The following FZD9 variants were observed in gnomAD, a reference collection of about 807,000 sequenced individuals.
FZD9 encodes the protein frizzled-9.
In FZD9, 29 loss-of-function variants were observed where a neutral mutation model predicts 29.9. The observed-to-expected ratio is 0.97, with a 90% CI of 0.72 to 1.32. FZD9 has a LOEUF of 1.32. Among genes scored for constraint, FZD9 ranks in the 40% most tolerant of loss-of-function variants. The probability of loss-of-function intolerance (pLI) is 0.00; values close to 1 mark genes in which losing one functional copy is unlikely to be tolerated. For missense variants in FZD9, 822 were observed against 857.8 expected, an observed-to-expected ratio of 0.96 and a Z score of 0.52; for synonymous variants, 384 against 393.9, an observed-to-expected ratio of 0.97 and a Z score of 0.30.
chr7:73,434,123 G>A lies in FZD9; in HGVS notation c.116G>A (p.Cys39Tyr). Residue 39 changes from cysteine (C) to tyrosine (Y), a missense_variant, in exon 1 of 1, where the codon TGC becomes TAC. Physicochemically the swap from Cys to Tyr is radical, Grantham distance 194. Transcript: ENST00000344575. ...DPERGRGAAP[C>Y]QAVEIPMCRG... The stretch of plus-strand genomic sequence containing the variant: ...GAGCGCGGGCGCGGGGCTGCGCCGT[G>A]CCAGGCGGTGGAGATCCCCATGTGC... 2 of 1,517,608 alleles carry A rather than the reference G, an allele frequency of 1.3e-6. No individual in the cohort carries two copies. The highest frequency in any genetic ancestry group is 8.8e-7 in the Non-Finnish European group (1 of 1,141,564). 94.0% of individuals were successfully genotyped at this position (1,517,608 alleles called of 1,614,324 possible). A position where few individuals can be genotyped will look rare whatever the true frequency, so the allele number is the denominator to read the frequency against.
In FZD9 at chr7:73,435,845, G is replaced by A; in HGVS notation, c.*62G>A. The A allele has an allele frequency of 6.6e-7, 1 of 1,520,008 alleles. No individual in the cohort carries two copies. Among genetic ancestry groups the A allele is most frequent in the Non-Finnish European group, 8.8e-7 (1 of 1,133,078 alleles). 94.2% of individuals were successfully genotyped at this position (1,520,008 alleles called of 1,614,324 possible). ...CCTTGCCCTCCACGCCCTGCCCCCT[G>A]CATCCCCTAGAGACAGCTGACTAGC... is the stretch of plus-strand genomic sequence containing the variant. On this transcript the variant is annotated 3_prime_UTR_variant, in exon 1 of 1. Coordinates refer to ENST00000344575, the MANE Select transcript of FZD9 (RefSeq NM_003508.3).
At position 73,434,562 on chromosome 7, in the gene FZD9, C is replaced by T. The variant is rs1554563338; in HGVS notation, c.555C>T (p.Asp185=). The stretch of plus-strand genomic sequence containing the variant: ...CGCGGCCCGCGCGCCCTCCCGGAGA[C>T]CTGGGCCCGGGCGCGGGCGGCAGTG... The part of the protein sequence containing the change: ...VAPRPARPPG[D]LGPGAGGSGT... The change falls in exon 1 of 1, where the codon GAC becomes GAT. Residue 185 remains aspartate (D), a synonymous_variant. Coordinates refer to ENST00000344575, the MANE Select transcript of FZD9 (RefSeq NM_003508.3). 2.0e-6 allele frequency: 3 copies of T among 1,468,450 alleles called. No individual in the cohort carries two copies. Among genetic ancestry groups the T allele is most frequent in the Non-Finnish European group, 1.8e-6 (2 of 1,117,064 alleles). The allele number at this position is 1,468,450 out of a possible 1,614,324, so 91.0% of individuals were successfully genotyped here. A position where few individuals can be genotyped will look rare whatever the true frequency, so the allele number is the denominator to read the frequency against.
chr7:73,435,615 C>G lies in FZD9; in HGVS notation c.1608C>G (p.Thr536=), dbSNP rs1554563648. 6.2e-7 allele frequency: 1 copy of G among 1,613,142 alleles called. No homozygotes were observed. The highest frequency in any genetic ancestry group is 8.5e-7 in the Non-Finnish European group (1 of 1,179,866). ...VWVWSSKTFQ[T]WQSLCYRKIA... is the part of the protein sequence containing the mutation. ...TGTGGAGCTCCAAGACTTTCCAGAC[C>G]TGGCAGAGCCTGTGCTACCGCAAGA... Residue 536 remains threonine, a synonymous_variant, in exon 1 of 1, where the codon ACC becomes ACG. Transcript: ENST00000344575.
rs1787371414 is a variant in FZD9, at chr7:73,434,692, G to T, written c.685G>T (p.Asp229Tyr). 2.5e-6 allele frequency: 4 copies of T among 1,605,164 alleles called. No individual in the cohort carries two copies. Among genetic ancestry groups the T allele is most frequent in the African/African-American group, 2.7e-5 (2 of 75,062 alleles). Residue 229 changes from aspartate to tyrosine, a missense_variant, in exon 1 of 1, where the codon GAC becomes TAC. Coordinates refer to ENST00000344575, the MANE Select transcript of FZD9 (RefSeq NM_003508.3). Reference protein sequence around the residue: ...VEVFWSRRDKDFALVWMAVWS... With the variant: ...VEVFWSRRDKYFALVWMAVWS... ...GGTGTTCTGGTCCCGGCGCGACAAG[G>T]ACTTCGCGCTGGTCTGGATGGCCGT...
chr7:73,434,926 G>A lies in FZD9; in HGVS notation c.919G>A (p.Gly307Ser). The A allele has an allele frequency of 1.2e-6, 2 of 1,613,828 alleles. No homozygotes were observed. Among genetic ancestry groups the A allele is most frequent in the Non-Finnish European group, 1.7e-6 (2 of 1,179,894 alleles). The change falls in exon 1 of 1, where the codon GGC becomes AGC. Residue 307 changes from glycine (G) to serine (S), a missense_variant. By Grantham distance (56) the Gly-to-Ser change is moderately conservative. Transcript: ENST00000344575. ...GGGCGCGCTCTACGTGATCCAGGAG[G>A]GCCTGGAGAACACGGGCTGCACGCT... ...EAGALYVIQE[G>S]LENTGCTLVF...
At position 73,435,471 on chromosome 7, in the gene FZD9, C is replaced by T. The variant is rs1554563603; in HGVS notation, c.1464C>T (p.Ala488=). The stretch of plus-strand genomic sequence containing the variant: ...CCACAGAGCAGCCATGCGCAGCGGC[C>T]GCGGGGCCCGGAGGCCGGAGGGACT... ...LRATEQPCAA[A]AGPGGRRDCS... Residue 488 remains alanine, a synonymous_variant, in exon 1 of 1, where the codon GCC becomes GCT. Coordinates refer to ENST00000344575, the MANE Select transcript of FZD9 (RefSeq NM_003508.3). 9.3e-6 allele frequency: 15 copies of T among 1,612,774 alleles called. No homozygotes were observed. Among genetic ancestry groups the T allele is most frequent in the African/African-American group, 1.3e-5 (1 of 74,940 alleles).
In FZD9 at chr7:73,434,497, G is replaced by GC. The variant is rs1787364164; in HGVS notation, c.491dup (p.Glu165GlyfsTer131). ...GCCCGAGAACGCCACGGCCGGCCCC[G>GC]CGGAGCCCCACAAGGGCCTGGGCAT... On this transcript the variant is annotated frameshift_variant, in exon 1 of 1. Transcript: ENST00000344575. LOFTEE classifies it high-confidence loss of function. The GC allele has an allele frequency of 6.8e-7, 1 of 1,472,896 alleles. No homozygotes were observed. The highest frequency in any genetic ancestry group is 8.9e-7 in the Non-Finnish European group (1 of 1,119,032). The allele number at this position is 1,472,896 out of a possible 1,614,324, so 91.2% of individuals were successfully genotyped here.
chr7:73,436,074 G>T lies in FZD9; in HGVS notation c.*291G>T. ...AGTTTATTTAATGATGTAATTTATTGTTGCGTTCCTCTGGAAGCTGTGACT... is the reference window on the plus strand; with the variant it reads ...AGTTTATTTAATGATGTAATTTATTTTTGCGTTCCTCTGGAAGCTGTGACT... On this transcript the variant is annotated 3_prime_UTR_variant, in exon 1 of 1. Coordinates refer to ENST00000344575, the MANE Select transcript of FZD9 (RefSeq NM_003508.3). The T allele has an allele frequency of 1.1e-5, 4 of 353,524 alleles. No homozygotes were observed. The highest frequency in any genetic ancestry group is 2.1e-5 in the Non-Finnish European group (4 of 187,058). 21.9% of individuals were successfully genotyped at this position (353,524 alleles called of 1,614,324 possible).
In FZD9 at chr7:73,434,994, C is replaced by G; in HGVS notation, c.987C>G (p.Leu329=). 1.2e-6 allele frequency: 2 copies of G among 1,614,088 alleles called. No homozygotes were observed. The highest frequency in any genetic ancestry group is 1.7e-6 in the Non-Finnish European group (2 of 1,180,032). ...LLYYFGMASS[L]WWVVLTLTWF... ...ACTACTTCGGCATGGCCAGCTCGCT[C>G]TGGTGGGTGGTCCTGACGCTCACCT... Residue 329 remains leucine, a synonymous_variant, in exon 1 of 1, where the codon CTC becomes CTG. Coordinates refer to ENST00000344575, the MANE Select transcript of FZD9 (RefSeq NM_003508.3).
chr7:73,435,362 C>G lies in FZD9; in HGVS notation c.1355C>G (p.Ser452Cys). The G allele has an allele frequency of 6.2e-7, 1 of 1,613,902 alleles. No homozygotes were observed. Among genetic ancestry groups the G allele is most frequent in the Non-Finnish European group, 8.5e-7 (1 of 1,179,934 alleles). The change falls in exon 1 of 1, where the codon TCC (serine) becomes TGC (cysteine). Residue 452 changes from serine (S) to cysteine (C), a missense_variant. Ser to Cys is a moderately radical substitution (Grantham distance 112). Coordinates refer to ENST00000344575, the MANE Select transcript of FZD9 (RefSeq NM_003508.3). ...EKLMVKIGVF[S>C]ILYTVPATCV... is the part of the protein sequence containing the mutation. ...CTCATGGTCAAGATCGGGGTCTTCT[C>G]CATCCTCTACACGGTGCCCGCCACC...
Position 73,435,927 on chromosome 7 carries a change from G to C in FZD9, c.*144G>C. ...GCACCGGGGACTGAGGATCAGGGCG[G>C]GACCCCGTGAGGCTCATTAGGGGAG... is the stretch of plus-strand genomic sequence containing the variant. On this transcript the variant is annotated 3_prime_UTR_variant, in exon 1 of 1. Transcript: ENST00000344575. 2.6e-6 allele frequency: 3 copies of C among 1,162,172 alleles called. No homozygotes were observed. The highest frequency in any genetic ancestry group is 2.4e-6 in the Non-Finnish European group (2 of 819,054). 72.0% of individuals were successfully genotyped at this position (1,162,172 alleles called of 1,614,324 possible).
In FZD9 at chr7:73,435,264, C is replaced by T. The variant is rs782534847; in HGVS notation, c.1257C>T (p.Thr419=). Residue 419 remains threonine, a synonymous_variant, in exon 1 of 1, where the codon ACC becomes ACT. Coordinates refer to ENST00000344575, the MANE Select transcript of FZD9 (RefSeq NM_003508.3). ...TGCTGGGCAGTAGTTTCCTCCTGAC[C>T]GGCTTCGTGGCCCTCTTCCACATCC... The part of the protein sequence containing the change: ...YLVLGSSFLL[T]GFVALFHIRK... The T allele has an allele frequency of 6.2e-6, 10 of 1,613,628 alleles. No homozygotes were observed. The East Asian group carries it at 8.9e-5, about 14-fold the overall frequency.
chr7:73,435,443 G>C lies in FZD9; in HGVS notation c.1436G>C (p.Arg479Pro), dbSNP rs1390816222. 2.5e-6 allele frequency: 4 copies of C among 1,613,392 alleles called. No homozygotes were observed. Among genetic ancestry groups the C allele is most frequent in the Non-Finnish European group, 2.5e-6 (3 of 1,180,002 alleles). The part of the protein sequence containing the change: ...ERLNMDFWRL[R>P]ATEQPCAAAA... ...CTCAACATGGACTTCTGGCGCCTTC[G>C]GGCCACAGAGCAGCCATGCGCAGCG... Residue 479 changes from arginine to proline, a missense_variant, in exon 1 of 1, where the codon CGG (arginine) becomes CCG (proline). Physicochemically the swap from Arg to Pro is moderately radical, Grantham distance 103. Coordinates refer to ENST00000344575, the MANE Select transcript of FZD9 (RefSeq NM_003508.3).
In FZD9 at chr7:73,435,662, C is replaced by A; in HGVS notation, c.1655C>A (p.Ala552Asp). 2 of 1,613,100 alleles carry A rather than the reference C, an allele frequency of 1.2e-6. No individual in the cohort carries two copies. The highest frequency in any genetic ancestry group is 1.7e-6 in the Non-Finnish European group (2 of 1,179,856). ...AAGATAGCAGCTGGCCGGGCCCGGG[C>A]CAAGGCCTGCCGCGCCCCCGGGAGC... ...YRKIAAGRAR[A>D]KACRAPGSYG... Residue 552 changes from alanine (A) to aspartate (D), a missense_variant, in exon 1 of 1, where the codon GCC becomes GAC. By Grantham distance (126) the Ala-to-Asp change is moderately radical. Coordinates refer to ENST00000344575, the MANE Select transcript of FZD9 (RefSeq NM_003508.3).
chr7:73,435,174 C>T lies in FZD9; in HGVS notation c.1167C>T (p.Tyr389=), dbSNP rs1787389432. ...GTGATGAGCTGACTGGGCTTTGCTACGTGGCCAGCACGGATGCAGCAGCGC... is the reference window on the plus strand; with the variant it reads ...GTGATGAGCTGACTGGGCTTTGCTATGTGGCCAGCACGGATGCAGCAGCGC... ...VAGDELTGLC[Y]VASTDAAALT... The change falls in exon 1 of 1, where the codon TAC becomes TAT. Residue 389 remains tyrosine, a synonymous_variant. Transcript: ENST00000344575. 4 of 1,612,978 alleles carry T rather than the reference C, an allele frequency of 2.5e-6. No individual in the cohort carries two copies. Among genetic ancestry groups the T allele is most frequent in the Non-Finnish European group, 3.4e-6 (4 of 1,180,012 alleles).
chr7:73,433,829 G>T lies in FZD9; in HGVS notation c.-179G>T. 1 of 322,302 alleles carries T rather than the reference G, an allele frequency of 3.1e-6. No homozygotes were observed. Among genetic ancestry groups the T allele is most frequent in the Non-Finnish European group, 4.6e-6 (1 of 218,196 alleles). The allele number at this position is 322,302 out of a possible 1,614,324, so 20.0% of individuals were successfully genotyped here. On this transcript the variant is annotated 5_prime_UTR_variant, in exon 1 of 1. Coordinates refer to ENST00000344575, the MANE Select transcript of FZD9 (RefSeq NM_003508.3). ...GGCAGCGGCGGTGGCGGCTAGGCGG[G>T]CTCGGCGGCTCCTGTCCCTCGGGCG... is the stretch of plus-strand genomic sequence containing the variant.
Position 73,433,837 on chromosome 7 carries a change from G to T in FZD9, c.-171G>T, listed in dbSNP as rs1787339389. The T allele has an allele frequency of 1.4e-5, 5 of 366,466 alleles. No homozygotes were observed. In the South Asian group the frequency reaches 4.2e-4, roughly 31 times the overall value. The allele number at this position is 366,466 out of a possible 1,614,324, so 22.7% of individuals were successfully genotyped here. ...CGGTGGCGGCTAGGCGGGCTCGGCG[G>T]CTCCTGTCCCTCGGGCGGCTGCCCG... On this transcript the variant is annotated 5_prime_UTR_variant, in exon 1 of 1. Transcript: ENST00000344575.
chr7:73,435,530 C>A lies in FZD9; in HGVS notation c.1523C>A (p.Ala508Glu), dbSNP rs781956465. ...CCAGGGGGCTCGGTGCCCACCGTGGCGGTCTTCATGCTCAAAATTTTCATG... is the reference window on the plus strand; with the variant it reads ...CCAGGGGGCTCGGTGCCCACCGTGGAGGTCTTCATGCTCAAAATTTTCATG... ...SLPGGSVPTV[A>E]VFMLKIFMSL... The change falls in exon 1 of 1, where the codon GCG (alanine) becomes GAG (glutamate). Residue 508 changes from alanine to glutamate, a missense_variant. Coordinates refer to ENST00000344575, the MANE Select transcript of FZD9 (RefSeq NM_003508.3). The A allele has an allele frequency of 1.2e-6, 2 of 1,613,258 alleles. No individual in the cohort carries two copies. The highest frequency in any genetic ancestry group is 2.2e-5 in the East Asian group (1 of 44,870).
chr7:73,435,965 C>T lies in FZD9; in HGVS notation c.*182C>T, dbSNP rs1178946. ...CTCATTAGGGGAGATGGGGGTCTCC[C>T]CTAATGCGGGGGCTGGACCAGGCTG... is the stretch of plus-strand genomic sequence containing the variant. On this transcript the variant is annotated 3_prime_UTR_variant, in exon 1 of 1. Transcript: ENST00000344575. 3.1e-4 allele frequency: 232 copies of T among 749,408 alleles called. 1 individual carries two copies. In the African/African-American group the frequency reaches 3.5e-3, roughly 11 times the overall value. 46.4% of individuals were successfully genotyped at this position (749,408 alleles called of 1,614,324 possible). A position where few individuals can be genotyped will look rare whatever the true frequency, so the allele number is the denominator to read the frequency against.
Sources: allele counts gnomAD v4.1 joint callset, GRCh38; gene constraint gnomAD v4.1.1; transcripts MANE v1.5; gene names NCBI Gene and HGNC (gene_info 2026-07-23, HGNC 2026-07-21).